Variants in KMO observed in about 807,000 individuals in gnomAD.
KMO encodes the protein kynurenine 3-monooxygenase.
A neutral mutation model predicts 57.8 loss-of-function variants in KMO; 24 were observed. That is an observed-to-expected ratio of 0.42 (90% CI 0.30 to 0.58). The LOEUF is 0.58. KMO is among the 20% of genes least tolerant of loss of function. The pLI is 0.22. For missense variants in KMO, 483 were observed against 588.2 expected (o/e 0.82, Z 1.85); for synonymous variants, 210 against 193.6 (o/e 1.08, Z -0.70).
At chr1:241,554,243 CT>C (rs1661519951) in intron 4 of KMO, among the ~76,000 whole-genome samples, 1 of 90,462 alleles carries the variant, frequency 1.1e-5, no homozygotes, top group Non-Finnish European at 2.6e-5. Flanking sequence ...TCCTTCCTTC[CT>C]TCCTTCCTTC....
rs1488949049 is a variant in KMO at position 241,555,641 on chromosome 1, A to G, written c.342A>G (p.Leu114=). 2 of 1,576,920 alleles carry G rather than the reference A, an allele frequency of 1.3e-6. No homozygotes were observed. Among genetic ancestry groups the G allele is most frequent in the Middle Eastern group, 1.7e-4 (1 of 5,966 alleles). The change falls in exon 5 of 15, where the codon CTA becomes CTG. Residue 114 remains leucine, a synonymous_variant. Coordinates refer to ENST00000366559, the MANE Select transcript of KMO (RefSeq NM_003679.5). The stretch of plus-strand genomic sequence containing the variant: ...TTCTTTCTGTAAGCAGAGAAAATCT[A>G]AACAAGGATCTATTGACTGGTAAGT... ...QYILSVSREN[L]NKDLLTAAEK...
Position 241,583,449 on chromosome 1 carries a change from G to A in KMO, c.958-3230G>A, listed in dbSNP as rs61825648. 4.6e-5 allele frequency among the ~76,000 whole-genome samples: 7 copies of A among 152,204 alleles called. No individual in the cohort carries two copies. The East Asian group carries it at 1.4e-3, about 29-fold the overall frequency. ...TCCAGGAGCTAAGACCTGGAATCAG[G>A]GGCTTCAGGAAACTACTTGGTGCTT... On this transcript the variant is annotated intron_variant, in intron 10 of 14. Transcript: ENST00000366559.
chr1:241,544,306 C>T (rs894259343), intron 1 of KMO, among the ~76,000 whole-genome samples: 5 of 152,172 alleles, frequency 3.3e-5, no homozygotes, highest in Admixed American at 6.5e-5. Context: ...CGGTAAAAAC[C>T]GTGATTCCTT....
At chr1:241,539,538 A>G (rs1332343476) in intron 1 of KMO, among the ~76,000 whole-genome samples, 1 of 152,222 alleles carries the variant, frequency 6.6e-6, no homozygotes, top group Non-Finnish European at 1.5e-5. Flanking sequence ...TCTGGAGTGT[A>G]TTCAAAACTC....
chr1:241,548,414 G>C (rs1364052685), intron 1 of KMO, among the ~76,000 whole-genome samples: 3 of 152,184 alleles, frequency 2.0e-5, no homozygotes, highest in African/African-American at 7.2e-5. Context: ...GAAGAGGACT[G>C]TAACTGGGGA....
intron 4 of KMO, among the ~76,000 whole-genome samples, chr1:241,551,580 T>C (rs1322251063): frequency 8.5e-5 from 13 of 152,230 alleles, no homozygotes; most frequent in Non-Finnish European, 5.9e-5. Flanking sequence ...GCTCTGTGCT[T>C]TCCCTATCTT....
intron 11 of KMO, among the ~76,000 whole-genome samples, chr1:241,587,103 G>A (rs1663027544): frequency 6.6e-6 from 1 of 152,126 alleles, no homozygotes; most frequent in African/African-American, 2.4e-5. Context: ...CCAGGGACGG[G>A]TTTCACGGAA....
chr1:241,545,917 A>G (rs748018586), intron 1 of KMO, among the ~76,000 whole-genome samples: 1 of 152,176 alleles, frequency 6.6e-6, no homozygotes, highest in Non-Finnish European at 1.5e-5. Flanking sequence ...TGGCAAATAC[A>G]ATGGCTAAAA....
chr1:241,556,410 C>T (rs1661626119), intron 5 of KMO, among the ~76,000 whole-genome samples: 1 of 152,210 alleles, frequency 6.6e-6, no homozygotes, highest in Non-Finnish European at 1.5e-5. Flanking sequence ...GCTGGGATTA[C>T]AGGTGCTAGC....
At chr1:241,535,232 A>G (rs1344821079) in intron 1 of KMO, among the ~76,000 whole-genome samples, 2 of 151,942 alleles carry the variant, frequency 1.3e-5, no homozygotes, top group Non-Finnish European at 2.9e-5. Context: ...ACAAGATTAC[A>G]TTTTTGCCCA....
intron 1 of KMO, among the ~76,000 whole-genome samples, chr1:241,542,968 C>T (rs564644081): frequency 3.3e-5 from 5 of 152,114 alleles, no homozygotes; most frequent in Admixed American, 1.3e-4. Context: ...CTGGCTGAAC[C>T]GACGTAACAC....
At chr1:241,563,132 T>G (rs991300534) in intron 7 of KMO, among the ~76,000 whole-genome samples, 1 of 152,222 alleles carries the variant, frequency 6.6e-6, no homozygotes, top group African/African-American at 2.4e-5. Flanking sequence ...TTAAATAAAA[T>G]GACTAGAAAA....
Position 241,590,086 on chromosome 1 carries a change from A to T in KMO, c.1173A>T (p.Pro391=). The part of the protein sequence containing the change: ...NMERFLHAIM[P]STFIPLYTMV... ...AGAGATTTCTTCATGCGATTATGCC[A>T]TCGACCTTTATCCCTCTCTATACAA... is the stretch of plus-strand genomic sequence containing the variant. The change falls in exon 13 of 15, where the codon CCA becomes CCT. Residue 391 remains proline, a synonymous_variant. Coordinates refer to ENST00000366559, the MANE Select transcript of KMO (RefSeq NM_003679.5). The T allele has an allele frequency of 6.2e-7, 1 of 1,613,864 alleles. No individual in the cohort carries two copies. Among genetic ancestry groups the T allele is most frequent in the South Asian group, 1.1e-5 (1 of 91,076 alleles).
chr1:241,564,899 T>C, intron 7 of KMO, 88 bp from the exon 8 acceptor site: 2 of 781,580 alleles, frequency 2.6e-6, no homozygotes, highest in Non-Finnish European at 4.4e-6. Context: ...CTGGTTTTAA[T>C]TACTGTGGAA....
At chr1:241,554,327 C>T (rs1661525853) in intron 4 of KMO, among the ~76,000 whole-genome samples, 1 of 151,296 alleles carries the variant, frequency 6.6e-6, no homozygotes, top group Non-Finnish European at 1.5e-5. Context: ...CTCTGTCATC[C>T]AGGCTGAAGT....
intron 11 of KMO, among the ~76,000 whole-genome samples, chr1:241,588,161 T>A (rs1253206916): frequency 2.0e-5 from 3 of 152,054 alleles, no homozygotes; most frequent in Non-Finnish European, 4.4e-5. Flanking sequence ...ACTTCAGAGT[T>A]GTGAACACTG....
intron 1 of KMO, among the ~76,000 whole-genome samples, chr1:241,541,928 A>G (rs1018196821): frequency 1.3e-5 from 2 of 152,212 alleles, no homozygotes; most frequent in African/African-American, 2.4e-5. Context: ...CATGATTCTT[A>G]AGGATTAGGG....
chr1:241,583,460 A>G (rs577205677), intron 10 of KMO, among the ~76,000 whole-genome samples: 3 of 152,190 alleles, frequency 2.0e-5, no homozygotes, highest in Non-Finnish European at 4.4e-5. Context: ...GGCTTCAGGA[A>G]ACTACTTGGT....
At chr1:241,571,466 C>T (rs567777260) in intron 10 of KMO, among the ~76,000 whole-genome samples, 3 of 152,134 alleles carry the variant, frequency 2.0e-5, no homozygotes, top group East Asian at 3.9e-4. Flanking sequence ...TCCTTCTATA[C>T]CCAGTTTTTT....
Sources: allele counts gnomAD v4.1 joint callset (sites outside exome capture counted in the v4.1 genomes callset), GRCh38; gene constraint gnomAD v4.1.1; transcripts MANE v1.5; gene names NCBI Gene and HGNC (gene_info 2026-07-23, HGNC 2026-07-21).